PTPN11: variants seen among roughly 807,000 people sequenced by gnomAD.
The protein encoded by PTPN11 is protein tyrosine phosphatase non-receptor type 11.
In PTPN11, 6 loss-of-function variants were observed where a neutral mutation model predicts 78.8. That is an observed-to-expected ratio of 0.08 (90% CI 0.04 to 0.15). PTPN11 has a LOEUF of 0.15. Ranked by LOEUF, PTPN11 falls within the 10% of genes least tolerant of loss-of-function variation. The pLI is 1.00. For missense variants in PTPN11, 386 were observed against 744.8 expected (o/e 0.52, Z 5.61); for synonymous variants, 221 against 263.5 (o/e 0.84, Z 1.56).
chr12:112,460,829 C>T (rs189751472), intron 6 of PTPN11, among the ~76,000 whole-genome samples: 5 of 152,180 alleles, frequency 3.3e-5, no homozygotes, highest in Admixed American at 2.0e-4. Flanking sequence ...AGACAGAGTG[C>T]GGCTTCATCT....
Position 112,502,004 on chromosome 12 carries a change from T to C in PTPN11, c.1600-140T>C, listed in dbSNP as rs989673124. ...GTGAATCCCCTAACAATTTGGTCAA[T>C]GTATCAGTATTCTCAACCCGTCTAT... is the stretch of plus-strand genomic sequence containing the variant. On this transcript the variant is annotated intron_variant, in intron 13 of 15. Coordinates refer to ENST00000351677, the MANE Select transcript of PTPN11 (RefSeq NM_002834.5). 4.3e-6 allele frequency: 3 copies of C among 691,694 alleles called. No individual in the cohort carries two copies. In the Admixed American group the frequency reaches 6.6e-5, roughly 15 times the overall value. The allele number at this position is 691,694 out of a possible 1,614,324, so 42.8% of individuals were successfully genotyped here.
intron 1 of PTPN11, among the ~76,000 whole-genome samples, chr12:112,419,466 A>G (rs1340084718): frequency 6.6e-6 from 1 of 152,104 alleles, no homozygotes; most frequent in Non-Finnish European, 1.5e-5. Context: ...CCTCATGAGA[A>G]TTGCCTCATG....
rs187973505 is a variant in PTPN11, at chr12:112,464,778, T to C, written c.757-8166T>C. On this transcript the variant is annotated intron_variant, in intron 6 of 15. Transcript: ENST00000351677. ...TCTCACTATCTTGCCCAGGCTGGAGTGCAGTGGCTCTTTACAGGCACTGTT... is the reference window on the plus strand; with the variant it reads ...TCTCACTATCTTGCCCAGGCTGGAGCGCAGTGGCTCTTTACAGGCACTGTT... 8.5e-5 allele frequency among the ~76,000 whole-genome samples: 13 copies of C among 152,220 alleles called. No individual in the cohort carries two copies. The East Asian group carries it at 2.5e-3, about 29-fold the overall frequency.
At chr12:112,501,642 T>C (rs1326828366) in intron 13 of PTPN11, among the ~76,000 whole-genome samples, 1 of 152,116 alleles carries the variant, frequency 6.6e-6, no homozygotes, top group Admixed American at 6.5e-5. Flanking sequence ...ACAAAAATGG[T>C]GCCAGAGTCT....
chr12:112,436,672 C>G (rs1482632917), intron 1 of PTPN11, among the ~76,000 whole-genome samples: 1 of 151,074 alleles, frequency 6.6e-6, no homozygotes. Flanking sequence ...TTTTTCTGAG[C>G]CTTGGCATTT....
chr12:112,499,998 C>G (rs986269337), intron 13 of PTPN11, among the ~76,000 whole-genome samples: 1 of 150,606 alleles, frequency 6.6e-6, no homozygotes, highest in African/African-American at 2.4e-5. Context: ...AACCCCAGCA[C>G]TTTGGGAGGC....
At position 112,507,921 on chromosome 12, in the gene PTPN11, A is replaced by T. The variant is rs188963648; in HGVS notation, c.*2129A>T. 1 of 152,644 alleles carries T rather than the reference A, an allele frequency of 6.6e-6. No individual in the cohort carries two copies. Among genetic ancestry groups the T allele is most frequent in the Non-Finnish European group, 1.5e-5 (1 of 68,046 alleles). 9.5% of individuals were successfully genotyped at this position (152,644 alleles called of 1,614,324 possible). Reference sequence around the variant, plus strand: ...TAGGGAAGTGTCACTGCTGTCTTCTAGTCAAACTTGTAAAGAAAAAGATTC... The same window carrying T: ...TAGGGAAGTGTCACTGCTGTCTTCTTGTCAAACTTGTAAAGAAAAAGATTC... On this transcript the variant is annotated 3_prime_UTR_variant, in exon 16 of 16. Coordinates refer to ENST00000351677, the MANE Select transcript of PTPN11 (RefSeq NM_002834.5).
At chr12:112,429,273 T>G (rs547072124) in intron 1 of PTPN11, among the ~76,000 whole-genome samples, 7 of 152,306 alleles carry the variant, frequency 4.6e-5, no homozygotes, top group Non-Finnish European at 1.0e-4. Context: ...GCCTCTGTGC[T>G]AAATACTGGT....
rs748815480 is a variant in PTPN11 at position 112,425,010 on chromosome 12, A to ATG, written c.14+5887_14+5888dup. On this transcript the variant is annotated intron_variant, in intron 1 of 15. Transcript: ENST00000351677. ...TGTGTGTGTGTGTGTGTGTGTGTGT[A>ATG]TGTAGAGATGGGGTTTTGCCATGTT... 4.9e-3 allele frequency among the ~76,000 whole-genome samples: 375 copies of ATG among 76,800 alleles called. 4 individuals carry two copies. The highest frequency in any genetic ancestry group is 0.011 in the African/African-American group (195 of 18,354). The allele number at this position is 76,800 out of a possible 152,430, so 50.4% of individuals were successfully genotyped here.
At chr12:112,476,886 C>A (rs1040961871) in intron 7 of PTPN11, among the ~76,000 whole-genome samples, 1 of 152,200 alleles carries the variant, frequency 6.6e-6, no homozygotes, top group Non-Finnish European at 1.5e-5. Context: ...CCAGCTTCAA[C>A]AATTATCAAC....
intron 6 of PTPN11, chr12:112,457,375 C>G: frequency 4.1e-6 from 1 of 245,736 alleles, no homozygotes; most frequent in Non-Finnish European, 8.3e-6. Context: ...GCATAGTATT[C>G]CATGGTGTGT....
intron 14 of PTPN11, among the ~76,000 whole-genome samples, chr12:112,502,834 G>T (rs893024722): frequency 1.3e-5 from 2 of 152,220 alleles, no homozygotes; most frequent in Non-Finnish European, 2.9e-5. Context: ...TATATCAAGT[G>T]GTGGTTCTCC....
At chr12:112,435,171 A>C (rs140177034) in intron 1 of PTPN11, among the ~76,000 whole-genome samples, 1 of 151,598 alleles carries the variant, frequency 6.6e-6, no homozygotes, top group Admixed American at 6.6e-5. Context: ...GGTGTGTGCC[A>C]TCAATGCCCC....
chr12:112,484,553 G>T (rs1226676923), intron 10 of PTPN11, among the ~76,000 whole-genome samples: 1 of 152,294 alleles, frequency 6.6e-6, no homozygotes, highest in East Asian at 1.9e-4. Context: ...GAGGCTACAG[G>T]AAGTGACGGG....
chr12:112,424,879 GTGTGTGTGTGTA>G lies in PTPN11; in HGVS notation c.14+5766_14+5777del, dbSNP rs1261504245. 4.4e-4 allele frequency among the ~76,000 whole-genome samples: 64 copies of G among 143,980 alleles called. 1 individual carries two copies. The highest frequency in any genetic ancestry group is 1.4e-3 in the African/African-American group (52 of 38,000). 94.5% of individuals were successfully genotyped at this position (143,980 alleles called of 152,430 possible). ...CATGTCAGGCTAATTGTGTGTGTGT[GTGTGTGTGTGTA>G]TGTGTGTGTGTGTGTGTGTGTGTGT... On this transcript the variant is annotated intron_variant, in intron 1 of 15. Coordinates refer to ENST00000351677, the MANE Select transcript of PTPN11 (RefSeq NM_002834.5).
intron 13 of PTPN11, among the ~76,000 whole-genome samples, chr12:112,492,461 T>G (rs1172984455): frequency 6.6e-6 from 1 of 152,166 alleles, no homozygotes; most frequent in African/African-American, 2.4e-5. Context: ...TTTTTCCCTT[T>G]TAAGTTAATA....
chr12:112,455,869 ATGTT>A, intron 5 of PTPN11, 77 bp from the exon 6 acceptor site: 2 of 813,340 alleles, frequency 2.5e-6, no homozygotes. Context: ...CAACATAGAC[ATGTT>A]TTTTTTTTTT....
At chr12:112,437,418 C>T (rs959433977) in intron 1 of PTPN11, among the ~76,000 whole-genome samples, 1 of 152,152 alleles carries the variant, frequency 6.6e-6, no homozygotes, top group African/African-American at 2.4e-5. Context: ...GCCTTGGCCT[C>T]CCAAAGTGCT....
chr12:112,505,096 T>C (rs2038917420), intron 15 of PTPN11, among the ~76,000 whole-genome samples: 4 of 151,992 alleles, frequency 2.6e-5, no homozygotes. Context: ...TTTATTAGAG[T>C]TGGTTAGCCC....
Sources: allele counts gnomAD v4.1 joint callset (sites outside exome capture counted in the v4.1 genomes callset), GRCh38; gene constraint gnomAD v4.1.1; transcripts MANE v1.5; gene names NCBI Gene and HGNC (gene_info 2026-07-23, HGNC 2026-07-21).